MRTFA: variants seen among roughly 807,000 people sequenced by gnomAD.
MRTFA encodes myocardin-related transcription factor A.
In MRTFA, 20 loss-of-function variants were observed where a neutral mutation model predicts 83.5. The ratio of observed to expected loss-of-function variants is 0.24; its 90% CI spans 0.17 to 0.35. The LOEUF (loss-of-function observed/expected upper bound fraction) is 0.35, where lower values mean the gene tolerates loss of function less well. Ranked by LOEUF, MRTFA falls within the 10% of genes least tolerant of loss-of-function variation. MRTFA has a pLI of 1.00. For synonymous variants in MRTFA, 659 were observed against 541.2 expected (o/e 1.22, Z -3.02); for missense variants, 1,200 against 1,224.7 (o/e 0.98, Z 0.30).
At chr22:40,459,312 C>T (rs557106272) in intron 4 of MRTFA, among the ~76,000 whole-genome samples, 2 of 150,594 alleles carry the variant, frequency 1.3e-5, no homozygotes, top group South Asian at 2.1e-4. Flanking sequence ...CCAACAGGGA[C>T]GTAAATGAGG....
intron 3 of MRTFA, among the ~76,000 whole-genome samples, chr22:40,518,929 C>T (rs1485542941): frequency 1.3e-5 from 2 of 150,002 alleles, no homozygotes; most frequent in Non-Finnish European, 3.0e-5. Flanking sequence ...ACTTAGAATT[C>T]GATATTCTAG....
intron 1 of MRTFA, among the ~76,000 whole-genome samples, chr22:40,635,329 C>T (rs2056683500): frequency 9.4e-6 from 1 of 106,826 alleles, no homozygotes. Flanking sequence ...GTAGGTCTAA[C>T]TTCTTACTGA....
intron 14 of MRTFA, chr22:40,412,117 CAGAG>C: frequency 2.4e-6 from 1 of 409,112 alleles, no homozygotes; most frequent in East Asian, 3.7e-5. Flanking sequence ...CCGGAATACA[CAGAG>C]AACTTCTAAA....
intron 4 of MRTFA, among the ~76,000 whole-genome samples, chr22:40,439,785 T>C (rs2053240209): frequency 6.6e-6 from 1 of 152,176 alleles, no homozygotes; most frequent in Non-Finnish European, 1.5e-5. Flanking sequence ...TTGGCACTGA[T>C]ACTAGAAGAC....
intron 2 of MRTFA, among the ~76,000 whole-genome samples, chr22:40,580,154 T>A (rs539495153): frequency 2.6e-5 from 4 of 152,158 alleles, no homozygotes; most frequent in Admixed American, 1.3e-4. Context: ...GTAAAAAAAA[T>A]ATGTAAGCCC....
intron 4 of MRTFA, among the ~76,000 whole-genome samples, chr22:40,454,446 T>C (rs1203987516): frequency 1.3e-5 from 2 of 152,212 alleles, no homozygotes; most frequent in Non-Finnish European, 2.9e-5. Context: ...AGTTTTGACA[T>C]AACTTAGAGG....
intron 3 of MRTFA, among the ~76,000 whole-genome samples, chr22:40,528,508 C>A (rs979225465): frequency 2.0e-5 from 3 of 151,918 alleles, no homozygotes; most frequent in Non-Finnish European, 2.9e-5. Flanking sequence ...GAGGCAGAGG[C>A]GGGCGGATCA....
chr22:40,415,727 T>C (rs549660278), intron 14 of MRTFA, among the ~76,000 whole-genome samples: 1 of 151,920 alleles, frequency 6.6e-6, no homozygotes, highest in Admixed American at 6.6e-5. Flanking sequence ...CTTCTTCCCC[T>C]CTGCAGGGGA....
rs372255666 is a variant in MRTFA, at chr22:40,420,882, G to T, written c.1146C>A (p.His382Gln). The T allele has an allele frequency of 1.2e-6, 2 of 1,613,800 alleles. No individual in the cohort carries two copies. Among genetic ancestry groups the T allele is most frequent in the South Asian group, 2.2e-5 (2 of 91,066 alleles). ...CAGGCAGGATGGCCTGGTAGTTGTG[G>T]TGCTGCTGCTGCTGCTGGTTGAGGA... Residue 382 changes from histidine (H) to glutamine (Q), a missense_variant, in exon 10 of 15, where the codon CAC becomes CAA. This residue lies in a region of MRTFA where 1,107 missense variants were observed against 1,041.8 expected (regional missense o/e 1.06). Transcript: ENST00000355630.
At chr22:40,551,474 C>T (rs2055443510) in intron 3 of MRTFA, among the ~76,000 whole-genome samples, 1 of 152,066 alleles carries the variant, frequency 6.6e-6, no homozygotes, top group Non-Finnish European at 1.5e-5. Context: ...TTCAATCGAT[C>T]CTCCCACCTC....
chr22:40,510,808 A>T (rs1264812790), intron 3 of MRTFA, among the ~76,000 whole-genome samples: 3 of 152,140 alleles, frequency 2.0e-5, no homozygotes, highest in Non-Finnish European at 2.9e-5. Flanking sequence ...CACACATCTC[A>T]GAAGAGACAG....
intron 1 of MRTFA, among the ~76,000 whole-genome samples, chr22:40,631,009 T>C (rs59078953): frequency 0.018 from 2,801 of 152,344 alleles, 83 homozygotes; most frequent in African/African-American, 0.064. Flanking sequence ...AAACCCATTC[T>C]ACAGACAGAG....
At chr22:40,417,749 C>G (rs749653785) in intron 12 of MRTFA, 1 of 422,590 alleles carries the variant, frequency 2.4e-6, no homozygotes, top group Non-Finnish European at 4.2e-6. Context: ...TGGTCACCCC[C>G]TGAGATTTCT....
chr22:40,591,255 CAA>C (rs1232363535), intron 2 of MRTFA, among the ~76,000 whole-genome samples: 2 of 137,824 alleles, frequency 1.5e-5, no homozygotes, highest in Non-Finnish European at 3.1e-5. Flanking sequence ...CCGGCCTGGG[CAA>C]AAGAGCGAGA....
intron 1 of MRTFA, among the ~76,000 whole-genome samples, chr22:40,598,436 T>C (rs1402161464): frequency 1.3e-5 from 2 of 152,152 alleles, no homozygotes; most frequent in Non-Finnish European, 2.9e-5. Flanking sequence ...TACACTTTTA[T>C]AACAAGAACC....
intron 3 of MRTFA, among the ~76,000 whole-genome samples, chr22:40,487,917 G>A (rs1044192228): frequency 7.2e-5 from 11 of 152,100 alleles, no homozygotes; most frequent in African/African-American, 2.2e-4. Flanking sequence ...TAATGCATAT[G>A]AACCACCTAC....
intron 3 of MRTFA, among the ~76,000 whole-genome samples, chr22:40,515,417 G>C (rs551959712): frequency 6.6e-6 from 1 of 152,090 alleles, no homozygotes; most frequent in Admixed American, 6.5e-5. Flanking sequence ...TACTAGGCCG[G>C]GTGTGGTGGC....
At chr22:40,527,019 G>A (rs2054987517) in intron 3 of MRTFA, among the ~76,000 whole-genome samples, 1 of 151,920 alleles carries the variant, frequency 6.6e-6, no homozygotes, top group Non-Finnish European at 1.5e-5. Flanking sequence ...CCAGCTACTC[G>A]GGAGGCTGAG....
intron 1 of MRTFA, among the ~76,000 whole-genome samples, chr22:40,619,067 T>G (rs112720162): frequency 0.011 from 1,614 of 152,142 alleles, 35 homozygotes; most frequent in Middle Eastern, 0.088. Context: ...TGTGTCAGCT[T>G]GACTAAGCTA....
Sources: allele counts gnomAD v4.1 joint callset (sites outside exome capture counted in the v4.1 genomes callset), GRCh38; gene constraint gnomAD v4.1.1; regional missense constraint gnomAD v4.1.1; transcripts MANE v1.5; gene names NCBI Gene and HGNC (gene_info 2026-07-23, HGNC 2026-07-21).